Variants in ZCCHC14 observed in about 807,000 individuals in gnomAD.
ZCCHC14 encodes the protein zinc finger CCHC-type containing 14, also known as zinc finger CCHC domain-containing protein 14.
In ZCCHC14, 16 loss-of-function variants were observed where a neutral mutation model predicts 85.0. The observed-to-expected ratio is 0.19, with a 90% CI of 0.13 to 0.29. The LOEUF (loss-of-function observed/expected upper bound fraction) is 0.29, where lower values mean the gene tolerates loss of function less well. Among genes scored for constraint, ZCCHC14 ranks in the 10% least tolerant of loss-of-function variants. ZCCHC14 has a pLI of 1.00. For synonymous variants in ZCCHC14, 775 were observed against 630.7 expected (o/e 1.23, Z -3.43); for missense variants, 1,303 against 1,443.5 (o/e 0.90, Z 1.58).
At chr16:87,410,420 C>G in intron 12 of ZCCHC14, 85 bp from the exon 13 acceptor site, 1 of 637,310 alleles carries the variant, frequency 1.6e-6, no homozygotes, top group Admixed American at 2.5e-5. Context: ...TGTCCAGAGC[C>G]ACTGGGCAAG....
At chr16:87,479,725 T>C (rs2150774592) in intron 1 of ZCCHC14, among the ~76,000 whole-genome samples, 1 of 152,214 alleles carries the variant, frequency 6.6e-6, no homozygotes, top group Middle Eastern at 3.4e-3. Flanking sequence ...AAAATGTTAC[T>C]CCATGGAAAT....
In ZCCHC14 at chr16:87,409,755, G is replaced by T. The variant is rs1246572742; in HGVS notation, c.*525C>A. The T allele has an allele frequency of 6.5e-6, 1 of 152,742 alleles. No individual in the cohort carries two copies. Among genetic ancestry groups the T allele is most frequent in the East Asian group, 1.9e-4 (1 of 5,202 alleles). 9.5% of individuals were successfully genotyped at this position (152,742 alleles called of 1,614,324 possible). Reference sequence around the variant, plus strand: ...GGAGTTTGGCTCCCAGAACCGCAGAGATTTACATCAGGGTACATTCTTCTG... The same window carrying T: ...GGAGTTTGGCTCCCAGAACCGCAGATATTTACATCAGGGTACATTCTTCTG... On this transcript the variant is annotated 3_prime_UTR_variant, in exon 13 of 13. Transcript: ENST00000671377.
intron 2 of ZCCHC14, among the ~76,000 whole-genome samples, chr16:87,448,533 A>C (rs1300111592): frequency 2.6e-5 from 4 of 152,008 alleles, no homozygotes; most frequent in African/African-American, 9.7e-5. Context: ...GCCACCCTGC[A>C]TTTCAGAGGC....
intron 2 of ZCCHC14, among the ~76,000 whole-genome samples, chr16:87,456,399 C>T (rs189515409): frequency 5.3e-4 from 81 of 151,816 alleles, no homozygotes; most frequent in African/African-American, 1.7e-3. Flanking sequence ...GCGTGGTGGC[C>T]GGCACCTGTA....
intron 1 of ZCCHC14, among the ~76,000 whole-genome samples, chr16:87,483,361 C>T (rs1377248898): frequency 7.0e-6 from 1 of 141,906 alleles, no homozygotes; most frequent in South Asian, 2.3e-4. Context: ...CTTGGTGGCA[C>T]GTGCCTGTAA....
chr16:87,487,715 C>T (rs1209052878), intron 1 of ZCCHC14, among the ~76,000 whole-genome samples: 3 of 152,240 alleles, frequency 2.0e-5, no homozygotes, highest in Admixed American at 6.5e-5. Flanking sequence ...TCTACAAAAG[C>T]AAGCATGTGA....
At position 87,411,923 on chromosome 16, in the gene ZCCHC14, C is replaced by G. The variant is rs762133368; in HGVS notation, c.2798G>C (p.Ser933Thr). 6.2e-7 allele frequency: 1 copy of G among 1,604,012 alleles called. No individual in the cohort carries two copies. The highest frequency in any genetic ancestry group is 1.1e-5 in the South Asian group (1 of 90,310). Reference protein sequence around the residue: ...IVCTSCGCSGSCGSSGLTVSY... With the variant: ...IVCTSCGCSGTCGSSGLTVSY... Reference sequence around the variant, plus strand: ...GACAGTCAGGCCACTCGAGCCGCAGCTGCCGCTGCAGCCACAGGACGTGCA... The same window carrying G: ...GACAGTCAGGCCACTCGAGCCGCAGGTGCCGCTGCAGCCACAGGACGTGCA... Residue 933 changes from serine to threonine, a missense_variant, in exon 12 of 13, where the codon AGC becomes ACC. By Grantham distance (58) the Ser-to-Thr change is moderately conservative. Coordinates refer to ENST00000671377, the MANE Select transcript of ZCCHC14 (RefSeq NM_015144.3).
At chr16:87,469,319 T>C (rs1911673410) in intron 1 of ZCCHC14, among the ~76,000 whole-genome samples, 1 of 152,222 alleles carries the variant, frequency 6.6e-6, no homozygotes, top group Non-Finnish European at 1.5e-5. Context: ...ATTATCTCCA[T>C]GTTAAAAACA....
intron 2 of ZCCHC14, among the ~76,000 whole-genome samples, chr16:87,437,252 C>T (rs1045241693): frequency 6.8e-6 from 1 of 146,236 alleles, no homozygotes; most frequent in Non-Finnish European, 1.5e-5. Context: ...AGGAGAATCA[C>T]TTGACCCCAG....
intron 1 of ZCCHC14, among the ~76,000 whole-genome samples, chr16:87,485,177 A>T (rs2099478): frequency 0.99 from 151,483 of 152,304 alleles, 75,342 homozygotes; most frequent in Middle Eastern, 1. Flanking sequence ...GCATGTGAAG[A>T]CCTGTCCTGC....
chr16:87,436,689 A>T (rs1435669583), intron 2 of ZCCHC14, among the ~76,000 whole-genome samples: 1 of 152,254 alleles, frequency 6.6e-6, no homozygotes, highest in Admixed American at 6.5e-5. Flanking sequence ...CCTATGTAAC[A>T]ACCTGCACAT....
Position 87,491,645 on chromosome 16 carries a change from G to A in ZCCHC14, c.570+24C>T. 7.2e-7 allele frequency: 1 copy of A among 1,390,418 alleles called. No individual in the cohort carries two copies. The highest frequency in any genetic ancestry group is 9.3e-7 in the Non-Finnish European group (1 of 1,077,770). The allele number at this position is 1,390,418 out of a possible 1,614,324, so 86.1% of individuals were successfully genotyped here. A position where few individuals can be genotyped will look rare whatever the true frequency, so the allele number is the denominator to read the frequency against. ...TGGGGATGCAGACTTGGGGTACAGGGCAGAGCTCGGGGCGGGCACGCACCT... is the reference window on the plus strand; with the variant it reads ...TGGGGATGCAGACTTGGGGTACAGGACAGAGCTCGGGGCGGGCACGCACCT... On this transcript the variant is annotated intron_variant, in intron 1 of 12. Transcript: ENST00000671377. The surrounding 1 kb of genome is among the most constrained non-coding windows in gnomAD (Gnocchi z 5.9).
In ZCCHC14 at chr16:87,407,169, G is replaced by C. The variant is rs1485077520; in HGVS notation, c.*3111C>G. ...ACCCCGCCCCACTACTGTGCCCCAAGACAGAGTCTGTGGTATAAACTAACT... is the reference window on the plus strand; with the variant it reads ...ACCCCGCCCCACTACTGTGCCCCAACACAGAGTCTGTGGTATAAACTAACT... On this transcript the variant is annotated 3_prime_UTR_variant, in exon 13 of 13. Transcript: ENST00000671377. 3 of 152,226 alleles carry C rather than the reference G, an allele frequency of 2.0e-5. No individual in the cohort carries two copies. The highest frequency in any genetic ancestry group is 4.4e-5 in the Non-Finnish European group (3 of 68,068). 9.4% of individuals were successfully genotyped at this position (152,226 alleles called of 1,614,324 possible). A position where few individuals can be genotyped will look rare whatever the true frequency, so the allele number is the denominator to read the frequency against.
intron 1 of ZCCHC14, among the ~76,000 whole-genome samples, chr16:87,479,328 G>A (rs1158324347): frequency 1.3e-5 from 2 of 151,332 alleles, no homozygotes; most frequent in Admixed American, 6.6e-5. Flanking sequence ...AGGCAGGAGA[G>A]TCGCTTGAAC....
intron 1 of ZCCHC14, among the ~76,000 whole-genome samples, chr16:87,482,420 C>T (rs1912322358): frequency 6.6e-6 from 1 of 152,198 alleles, no homozygotes; most frequent in African/African-American, 2.4e-5. Flanking sequence ...ACCAGCAGTG[C>T]CAGAACTGGC....
At chr16:87,415,223 G>T in intron 9 of ZCCHC14, 53 bp downstream of exon 9, 1 of 1,556,750 alleles carries the variant, frequency 6.4e-7, no homozygotes, top group Non-Finnish European at 8.9e-7. Flanking sequence ...CACTCCATTC[G>T]GCACACGAGA....
rs1322824662 is a variant in ZCCHC14, at chr16:87,415,364, A to G, written c.1387T>C (p.Leu463=). ...VFKQLSMEKF[L]SLTEEDLNKF... is the part of the protein sequence containing the mutation. ...TTCAGATCTTCTTCAGTAAGGCTCA[A>G]AAACTTTCACAGAAAAAACAAATTA... The change falls in exon 9 of 13, where the codon TTG becomes CTG. Residue 463 remains leucine (L), a synonymous_variant. Coordinates refer to ENST00000671377, the MANE Select transcript of ZCCHC14 (RefSeq NM_015144.3). The G allele has an allele frequency of 3.7e-6, 6 of 1,613,092 alleles. No individual in the cohort carries two copies. The highest frequency in any genetic ancestry group is 5.1e-6 in the Non-Finnish European group (6 of 1,179,848).
In ZCCHC14 at chr16:87,409,285, C is replaced by T. The variant is rs1449019065; in HGVS notation, c.*995G>A. 1 of 152,206 alleles carries T rather than the reference C, an allele frequency of 6.6e-6. No homozygotes were observed. The highest frequency in any genetic ancestry group is 2.4e-5 in the African/African-American group (1 of 41,450). The allele number at this position is 152,206 out of a possible 1,614,324, so 9.4% of individuals were successfully genotyped here. On this transcript the variant is annotated 3_prime_UTR_variant, in exon 13 of 13. Coordinates refer to ENST00000671377, the MANE Select transcript of ZCCHC14 (RefSeq NM_015144.3). ...TCTGTCTCAGGTGTGAATCCGCTAG[C>T]GATAAGCCTCGGGGTTGGAGGTTCT...
At chr16:87,429,446 G>C (rs906652564) in intron 3 of ZCCHC14, among the ~76,000 whole-genome samples, 1 of 152,080 alleles carries the variant, frequency 6.6e-6, no homozygotes, top group African/African-American at 2.4e-5. Flanking sequence ...CGAGTAGCTG[G>C]AACTGCAGGC....
Sources: gnomAD v4.1 joint callset for allele counts (sites outside exome capture counted in the v4.1 genomes callset) on GRCh38, gnomAD v4.1.1 for gene constraint, Gnocchi (gnomAD v3.1) non-coding constraint, MANE v1.5 for transcripts, NCBI Gene and HGNC (gene_info 2026-07-23, HGNC 2026-07-21) for gene names.